Variants in BRAF observed in about 807,000 individuals in gnomAD.
The protein encoded by BRAF is B-Raf proto-oncogene, serine/threonine kinase, also known as serine/threonine-protein kinase B-raf.
A neutral mutation model predicts 104.6 loss-of-function variants in BRAF; 16 were observed. The observed-to-expected ratio is 0.15, with a 90% CI of 0.10 to 0.23. BRAF has a LOEUF of 0.23. BRAF is among the 10% of genes least tolerant of loss of function. The probability of loss-of-function intolerance (pLI) is 1.00; values close to 1 mark genes in which losing one functional copy is unlikely to be tolerated. For synonymous variants in BRAF, 310 were observed against 341.6 expected (o/e 0.91, Z 1.02); for missense variants, 541 against 937.3 (o/e 0.58, Z 5.52).
intron 14 of BRAF, among the ~76,000 whole-genome samples, chr7:140,763,565 G>A (rs1269502477): frequency 6.6e-6 from 1 of 152,092 alleles, no homozygotes; most frequent in Non-Finnish European, 1.5e-5. Flanking sequence ...TAATAAAGAA[G>A]AAAAGAGAGA....
rs1223591796 is a variant in BRAF at position 140,906,520 on chromosome 7, T to C, written c.138+18046A>G. On this transcript the variant is annotated intron_variant, in intron 1 of 19. Transcript: ENST00000644969. ...TAATTAAGGTCTTACTAGTACTTTA[T>C]ACAGTCAACGTTTCTTTTAATACAT... 2.0e-5 allele frequency among the ~76,000 whole-genome samples: 3 copies of C among 152,232 alleles called. No homozygotes were observed. The East Asian group carries it at 5.8e-4, about 29-fold the overall frequency.
rs901118267 is a variant in BRAF, at chr7:140,725,957, C to T, written c.*537G>A. The T allele has an allele frequency of 1.9e-6, 2 of 1,065,608 alleles. No individual in the cohort carries two copies. Among genetic ancestry groups the T allele is most frequent in the Admixed American group, 5.3e-5 (1 of 18,880 alleles). The allele number at this position is 1,065,608 out of a possible 1,614,324, so 66.0% of individuals were successfully genotyped here. On this transcript the variant is annotated 3_prime_UTR_variant, in exon 20 of 20. Coordinates refer to ENST00000644969, the MANE Select transcript of BRAF (RefSeq NM_001374258.1). Reference sequence around the variant, plus strand: ...TAAAATCTGTCAAGGCCTGAACACGCACCACATAGAAAGGGCAAGCTGCAT... The same window carrying T: ...TAAAATCTGTCAAGGCCTGAACACGTACCACATAGAAAGGGCAAGCTGCAT...
intron 1 of BRAF, among the ~76,000 whole-genome samples, chr7:140,921,857 G>C (rs1486672154): frequency 6.6e-6 from 1 of 150,436 alleles, no homozygotes; most frequent in Non-Finnish European, 1.5e-5. Context: ...AGAATAAAAT[G>C]TGTCATTACA....
At chr7:140,810,779 G>A (rs1047225857) in intron 3 of BRAF, among the ~76,000 whole-genome samples, 2 of 152,138 alleles carry the variant, frequency 1.3e-5, no homozygotes, top group African/African-American at 2.4e-5. Flanking sequence ...ATAGACATGC[G>A]CAGAGCAATG....
At chr7:140,734,797 G>GGAAAAAAAAAAAAAAAAAAAAAAAAA in intron 18 of BRAF, 27 bp from the exon 18 acceptor site, 1 of 1,126,488 alleles carries the variant, frequency 8.9e-7, no homozygotes, top group Non-Finnish European at 1.2e-6. Flanking sequence ...AAAAAAAAAA[G>GGAAAAAAAAAAAAAAAAAAAAAAAAA]AAAAAAAAAG....
chr7:140,905,799 A>G (rs2129133900), intron 1 of BRAF, among the ~76,000 whole-genome samples: 1 of 152,308 alleles, frequency 6.6e-6, no homozygotes, highest in Non-Finnish European at 1.5e-5. Context: ...CTTAGAAATT[A>G]AAACATAGGC....
At chr7:140,797,517 G>A (rs1802615026) in intron 7 of BRAF, among the ~76,000 whole-genome samples, 1 of 152,134 alleles carries the variant, frequency 6.6e-6, no homozygotes, top group African/African-American at 2.4e-5. Context: ...ACAACCATAT[G>A]GAGTTATGTC....
chr7:140,809,908 A>ATC (rs1436411396), intron 3 of BRAF, among the ~76,000 whole-genome samples: 1 of 127,120 alleles, frequency 7.9e-6, no homozygotes, highest in African/African-American at 4.7e-5. Context: ...ATTTAAAGTT[A>ATC]TCTATCTTTA....
intron 3 of BRAF, among the ~76,000 whole-genome samples, chr7:140,812,848 T>A (rs946721265): frequency 6.6e-6 from 1 of 152,140 alleles, no homozygotes; most frequent in Non-Finnish European, 1.5e-5. Context: ...AAAAGGTTCA[T>A]CCATACTTCA....
At chr7:140,907,212 C>T (rs1816418771) in intron 1 of BRAF, among the ~76,000 whole-genome samples, 2 of 152,168 alleles carry the variant, frequency 1.3e-5, no homozygotes, top group South Asian at 2.1e-4. Flanking sequence ...AAAGTGTTCA[C>T]TTCTGGAATT....
intron 2 of BRAF, among the ~76,000 whole-genome samples, chr7:140,843,769 G>C (rs1473643743): frequency 6.6e-6 from 1 of 152,104 alleles, no homozygotes; most frequent in African/African-American, 2.4e-5. Context: ...ACTTTGGGAG[G>C]CTGAGGCGGG....
chr7:140,872,245 T>TAAATA (rs1219233574), intron 1 of BRAF, among the ~76,000 whole-genome samples: 2,135 of 127,420 alleles, frequency 0.017, 23 homozygotes, highest in South Asian at 0.039. Flanking sequence ...ATAAATAAAT[T>TAAATA]GCACAGAACA....
chr7:140,746,544 A>G (rs939896599), intron 17 of BRAF, among the ~76,000 whole-genome samples: 4 of 152,124 alleles, frequency 2.6e-5, no homozygotes, highest in Non-Finnish European at 4.4e-5. Context: ...TGAAAAAAGA[A>G]AAAAGGCCAG....
intron 10 of BRAF, among the ~76,000 whole-genome samples, chr7:140,785,164 C>T (rs980972667): frequency 6.6e-6 from 1 of 151,936 alleles, no homozygotes; most frequent in African/African-American, 2.4e-5. Flanking sequence ...ATACACATCC[C>T]ATATTGGGGG....
intron 7 of BRAF, among the ~76,000 whole-genome samples, chr7:140,795,310 GC>G (rs1158398006): frequency 2.0e-5 from 3 of 152,164 alleles, no homozygotes; most frequent in Non-Finnish European, 2.9e-5. Flanking sequence ...GAAGGATGTA[GC>G]CCCTCAGAAA....
chr7:140,896,434 G>GAA (rs200728403), intron 1 of BRAF, among the ~76,000 whole-genome samples: 1 of 149,614 alleles, frequency 6.7e-6, no homozygotes, highest in Non-Finnish European at 1.5e-5. Flanking sequence ...ACCTTTTAAG[G>GAA]AAAAAAAAAC....
At chr7:140,767,365 T>C (rs1017963656) in intron 14 of BRAF, among the ~76,000 whole-genome samples, 3 of 152,058 alleles carry the variant, frequency 2.0e-5, no homozygotes, top group South Asian at 2.1e-4. Context: ...ATAAACAAGA[T>C]GGGAGATTTA....
At chr7:140,890,319 G>A (rs948090216) in intron 1 of BRAF, among the ~76,000 whole-genome samples, 1 of 152,106 alleles carries the variant, frequency 6.6e-6, no homozygotes. Context: ...AATCTCTGTG[G>A]TTCTACAATG....
Position 140,808,124 on chromosome 7 carries a change from T to A in BRAF, c.609-62A>T, listed in dbSNP as rs1031148916. On this transcript the variant is annotated intron_variant, in intron 4 of 19. Transcript: ENST00000644969. Reference sequence around the variant, plus strand: ...CACCTAAAAATATTCATATACCTCATGCTGAAGATATGAAAATTGGTTATC... The same window carrying A: ...CACCTAAAAATATTCATATACCTCAAGCTGAAGATATGAAAATTGGTTATC... The A allele has an allele frequency of 4.6e-6, 6 of 1,301,124 alleles. No homozygotes were observed. The Admixed American group carries it at 1.0e-4, about 22-fold the overall frequency. The allele number at this position is 1,301,124 out of a possible 1,614,324, so 80.6% of individuals were successfully genotyped here. A position where few individuals can be genotyped will look rare whatever the true frequency, so the allele number is the denominator to read the frequency against.
Sources: allele counts gnomAD v4.1 joint callset (sites outside exome capture counted in the v4.1 genomes callset), GRCh38; gene constraint gnomAD v4.1.1; transcripts MANE v1.5; gene names NCBI Gene and HGNC (gene_info 2026-07-23, HGNC 2026-07-21).